SEMA5A: variants seen among roughly 807,000 people sequenced by gnomAD.
The protein encoded by SEMA5A is semaphorin 5A.
In SEMA5A, 55 loss-of-function variants were observed where a neutral mutation model predicts 135.5. That is an observed-to-expected ratio of 0.41 (90% CI 0.33 to 0.51). The LOEUF (loss-of-function observed/expected upper bound fraction) is 0.51, where lower values mean the gene tolerates loss of function less well. Ranked by LOEUF, SEMA5A falls within the 20% of genes least tolerant of loss-of-function variation. SEMA5A has a pLI of 0.37. For synonymous variants in SEMA5A, 580 were observed against 546.5 expected, an observed-to-expected ratio of 1.06 and a Z score of -0.85; for missense variants, 1,290 against 1,419.9, an observed-to-expected ratio of 0.91 and a Z score of 1.47.
intron 11 of SEMA5A, among the ~76,000 whole-genome samples, chr5:9,179,747 T>A (rs1481462124): frequency 6.6e-6 from 1 of 152,192 alleles, no homozygotes; most frequent in Non-Finnish European, 1.5e-5. Flanking sequence ...ACTAAAGAAC[T>A]AATTGTGTTC....
At chr5:9,474,198 A>G (rs1383961292) in intron 1 of SEMA5A, among the ~76,000 whole-genome samples, 1 of 152,218 alleles carries the variant, frequency 6.6e-6, no homozygotes, top group Non-Finnish European at 1.5e-5. Flanking sequence ...CAGATTGATC[A>G]GTGAGAGAAA....
chr5:9,442,103 T>C (rs2126681627), intron 1 of SEMA5A, among the ~76,000 whole-genome samples: 1 of 152,320 alleles, frequency 6.6e-6, no homozygotes, highest in Admixed American at 6.5e-5. Context: ...AGCAAAGGAC[T>C]TGCCTTTGCC....
chr5:9,232,794 C>A (rs907192851), intron 6 of SEMA5A, among the ~76,000 whole-genome samples: 7 of 151,976 alleles, frequency 4.6e-5, no homozygotes, highest in African/African-American at 1.7e-4. Context: ...AGTATTTAAC[C>A]TAAAGTACCC....
chr5:9,069,915 G>A (rs1737683589), intron 16 of SEMA5A, among the ~76,000 whole-genome samples: 2 of 152,188 alleles, frequency 1.3e-5, no homozygotes, highest in Non-Finnish European at 2.9e-5. Flanking sequence ...CCACATGACA[G>A]GAAAGCCATA....
At chr5:9,527,891 A>G (rs757371980) in intron 1 of SEMA5A, among the ~76,000 whole-genome samples, 63 of 152,306 alleles carry the variant, frequency 4.1e-4, no homozygotes, top group Non-Finnish European at 7.6e-4. Context: ...TACTGCCTCA[A>G]AATTACAGTG....
At chr5:9,078,314 G>C (rs1441204904) in intron 16 of SEMA5A, among the ~76,000 whole-genome samples, 2 of 152,038 alleles carry the variant, frequency 1.3e-5, no homozygotes, top group Non-Finnish European at 2.9e-5. Flanking sequence ...ATTTTTAAGG[G>C]GAAAATGTTT....
At chr5:9,241,421 A>T (rs555850666) in intron 5 of SEMA5A, among the ~76,000 whole-genome samples, 5 of 152,142 alleles carry the variant, frequency 3.3e-5, no homozygotes, top group African/African-American at 1.2e-4. Context: ...CAGCCTAGAC[A>T]GAATTATGTT....
chr5:9,221,391 C>T (rs1001962238), intron 8 of SEMA5A, among the ~76,000 whole-genome samples: 12 of 149,436 alleles, frequency 8.0e-5, no homozygotes, highest in East Asian at 2.0e-4. Context: ...CAAGCTCCGC[C>T]TCCCGGGTTC....
chr5:9,145,704 T>A (rs1310198653), intron 12 of SEMA5A, among the ~76,000 whole-genome samples: 1 of 146,474 alleles, frequency 6.8e-6, no homozygotes, highest in Non-Finnish European at 1.5e-5. Flanking sequence ...AGTGGTGCAG[T>A]CTTGGCTCAC....
At chr5:9,239,661 G>A (rs116104990) in intron 5 of SEMA5A, among the ~76,000 whole-genome samples, 1 of 99,412 alleles carries the variant, frequency 1.0e-5, no homozygotes, top group South Asian at 2.7e-4. Flanking sequence ...GAAAGAATAT[G>A]ATATATTCTT....
rs780504293 is a variant in SEMA5A at position 9,132,161 on chromosome 5, A to T, written c.1599+4343T>A. Among the ~76,000 whole-genome samples, 144 of 152,136 alleles carry T rather than the reference A, an allele frequency of 9.5e-4. 1 individual carries two copies. Among genetic ancestry groups the T allele is most frequent in the Non-Finnish European group, 6.3e-4 (43 of 68,020 alleles). On this transcript the variant is annotated intron_variant, in intron 13 of 22. Coordinates refer to ENST00000382496, the MANE Select transcript of SEMA5A (RefSeq NM_003966.3). ...TCATCTGTACTATAGAAACCCATAA[A>T]CATTTTTAAATAGGGATCCCTCTGT...
chr5:9,401,771 TGAG>T (rs1756669825), intron 2 of SEMA5A, among the ~76,000 whole-genome samples: 1 of 152,186 alleles, frequency 6.6e-6, no homozygotes. Context: ...AATTTAAAGA[TGAG>T]AATCAGCCTG....
chr5:9,094,941 G>A (rs1338832644), intron 16 of SEMA5A, among the ~76,000 whole-genome samples: 2 of 151,866 alleles, frequency 1.3e-5, no homozygotes, highest in Non-Finnish European at 2.9e-5. Context: ...AACCTCACGA[G>A]ATTCTGCAAG....
intron 15 of SEMA5A, 36 bp downstream of exon 15, chr5:9,118,947 AATGAGAGTAAGCGTG>A: frequency 1.3e-6 from 2 of 1,591,802 alleles, no homozygotes; most frequent in Non-Finnish European, 1.7e-6. Context: ...ACCTGGCCGG[AATGAGAGTAAGCGTG>A]AGGCTGGCGG....
At chr5:9,269,101 G>T (rs1749835196) in intron 5 of SEMA5A, among the ~76,000 whole-genome samples, 1 of 152,092 alleles carries the variant, frequency 6.6e-6, no homozygotes, top group South Asian at 2.1e-4. Context: ...GTGGGGGAAT[G>T]AACTGAGAGA....
chr5:9,381,391 A>C (rs1755600509), intron 2 of SEMA5A, among the ~76,000 whole-genome samples: 1 of 152,222 alleles, frequency 6.6e-6, no homozygotes, highest in South Asian at 2.1e-4. Context: ...CATTCCTCCC[A>C]TTGAGAGCTG....
intron 2 of SEMA5A, among the ~76,000 whole-genome samples, chr5:9,384,619 CATAGATAGATAGATAGATAGATAG>C (rs67211847): frequency 0.061 from 5,186 of 85,642 alleles, 353 homozygotes; most frequent in Non-Finnish European, 0.081. Flanking sequence ...TAGATAGATA[CATAGATAGATAGATAGATAGATAG>C]ATAGATAGAT....
chr5:9,151,976 C>A (rs1409358489), intron 12 of SEMA5A, among the ~76,000 whole-genome samples: 1 of 152,222 alleles, frequency 6.6e-6, no homozygotes. Flanking sequence ...TCCTGTGGAT[C>A]CACAAGTGGG....
intron 5 of SEMA5A, among the ~76,000 whole-genome samples, chr5:9,248,022 C>G (rs564878931): frequency 1.4e-4 from 21 of 152,096 alleles, no homozygotes; most frequent in Admixed American, 1.2e-3. Flanking sequence ...TAGCATTAAA[C>G]AGCAATTGTG....
Sources: gnomAD v4.1 joint callset for allele counts (sites outside exome capture counted in the v4.1 genomes callset) on GRCh38, gnomAD v4.1.1 for gene constraint, MANE v1.5 for transcripts, NCBI Gene and HGNC (gene_info 2026-07-23, HGNC 2026-07-21) for gene names.